Variants in TAFA4 observed in about 807,000 individuals in gnomAD.
TAFA4 encodes the protein TAFA chemokine like family member 4, also known as chemokine-like protein TAFA-4.
A neutral mutation model predicts 21.1 loss-of-function variants in TAFA4; 20 were observed. That is an observed-to-expected ratio of 0.95 (90% CI 0.67 to 1.38). The LOEUF (loss-of-function observed/expected upper bound fraction) is 1.38, where lower values mean the gene tolerates loss of function less well. TAFA4 is among the 40% of genes most tolerant of loss of function. The pLI is 0.00. For missense variants in TAFA4, 211 were observed against 180.9 expected (o/e 1.17, Z -0.95); for synonymous variants, 71 against 67.4 (o/e 1.05, Z -0.26).
chr3:68,803,088 G>A (rs1431920501), intron 3 of TAFA4, among the ~76,000 whole-genome samples: 1 of 152,064 alleles, frequency 6.6e-6, no homozygotes, highest in Non-Finnish European at 1.5e-5. Flanking sequence ...TACTGAAAAT[G>A]TCCTTCGTTG....
chr3:68,906,654 T>C (rs898111635), intron 1 of TAFA4, among the ~76,000 whole-genome samples: 2 of 152,128 alleles, frequency 1.3e-5, no homozygotes, highest in Admixed American at 6.5e-5. Flanking sequence ...GAGAGTGGAC[T>C]TTCCAAGGCG....
At chr3:68,825,271 C>A (rs1426182822) in intron 3 of TAFA4, among the ~76,000 whole-genome samples, 1 of 152,174 alleles carries the variant, frequency 6.6e-6, no homozygotes, top group Non-Finnish European at 1.5e-5. Flanking sequence ...ATAATGACCT[C>A]CAGCTCCATC....
intron 4 of TAFA4, among the ~76,000 whole-genome samples, chr3:68,741,587 G>T (rs2106732886): frequency 6.6e-6 from 1 of 152,152 alleles, no homozygotes; most frequent in Non-Finnish European, 1.5e-5. Context: ...GAGGTCAGGA[G>T]ATCGAGACCA....
At chr3:68,786,190 G>C (rs1703257747) in intron 3 of TAFA4, among the ~76,000 whole-genome samples, 1 of 152,182 alleles carries the variant, frequency 6.6e-6, no homozygotes, top group Non-Finnish European at 1.5e-5. Flanking sequence ...AAAAGTACTG[G>C]AGGACACCAG....
chr3:68,736,130 C>T (rs1702236693), intron 5 of TAFA4, among the ~76,000 whole-genome samples: 1 of 152,042 alleles, frequency 6.6e-6, no homozygotes. Context: ...TGCTCACAAA[C>T]AAGATACGGC....
chr3:68,802,792 T>C (rs1703604495), intron 3 of TAFA4, among the ~76,000 whole-genome samples: 1 of 152,232 alleles, frequency 6.6e-6, no homozygotes, highest in Non-Finnish European at 1.5e-5. Flanking sequence ...GAAATCACCT[T>C]AGCTTCTCCA....
chr3:68,908,188 A>G (rs2089922786), intron 1 of TAFA4, among the ~76,000 whole-genome samples: 1 of 152,224 alleles, frequency 6.6e-6, no homozygotes, highest in Non-Finnish European at 1.5e-5. Context: ...CTGATTAACC[A>G]TATCTACATC....
chr3:68,752,670 T>C (rs1011863703), intron 4 of TAFA4, among the ~76,000 whole-genome samples, 193 bp downstream of exon 4: 5 of 152,208 alleles, frequency 3.3e-5, no homozygotes, highest in Admixed American at 1.3e-4. Flanking sequence ...TTGGTACCCC[T>C]TGTGGGACAT....
chr3:68,915,591 C>G (rs1444970485), intron 1 of TAFA4, among the ~76,000 whole-genome samples: 1 of 152,092 alleles, frequency 6.6e-6, no homozygotes, highest in Non-Finnish European at 1.5e-5. Flanking sequence ...ATTTTCCCAC[C>G]TCTGAACTTT....
At chr3:68,821,783 A>G (rs1474793360) in intron 3 of TAFA4, among the ~76,000 whole-genome samples, 2 of 152,138 alleles carry the variant, frequency 1.3e-5, no homozygotes, top group East Asian at 1.9e-4. Context: ...TACTTCTTTC[A>G]GGTGTTTTAC....
chr3:68,881,067 T>C (rs1258239158), intron 2 of TAFA4, among the ~76,000 whole-genome samples: 1 of 152,242 alleles, frequency 6.6e-6, no homozygotes, highest in African/African-American at 2.4e-5. Flanking sequence ...GTTAGCACTA[T>C]GCATCAGTGA....
At chr3:68,747,765 A>G (rs1233628012) in intron 4 of TAFA4, among the ~76,000 whole-genome samples, 1 of 152,188 alleles carries the variant, frequency 6.6e-6, no homozygotes, top group African/African-American at 2.4e-5. Context: ...AGTGCTTTAT[A>G]TAAACTTTGT....
At chr3:68,897,913 C>T (rs901857349) in intron 1 of TAFA4, among the ~76,000 whole-genome samples, 25 of 152,144 alleles carry the variant, frequency 1.6e-4, no homozygotes, top group African/African-American at 6.0e-4. Context: ...CAGACTGTAC[C>T]TCACAGGAAG....
intron 3 of TAFA4, among the ~76,000 whole-genome samples, chr3:68,843,799 G>C (rs991183993): frequency 6.6e-6 from 1 of 152,228 alleles, no homozygotes; most frequent in Admixed American, 6.5e-5. Context: ...CATTGGTTCT[G>C]TTTAAGTGAT....
intron 3 of TAFA4, among the ~76,000 whole-genome samples, chr3:68,865,622 A>G (rs1466139214): frequency 6.6e-6 from 1 of 152,064 alleles, no homozygotes; most frequent in Non-Finnish European, 1.5e-5. Flanking sequence ...TTCTTTATAA[A>G]TTACCCTGTC....
At chr3:68,774,795 C>G (rs917966576) in intron 3 of TAFA4, among the ~76,000 whole-genome samples, 10 of 152,036 alleles carry the variant, frequency 6.6e-5, no homozygotes, top group African/African-American at 1.9e-4. Context: ...CCTTTCTAAT[C>G]AAAACATGAA....
In TAFA4 at chr3:68,848,271, A is replaced by G. The variant is rs77314737; in HGVS notation, c.130+32459T>C. 2.5e-3 allele frequency among the ~76,000 whole-genome samples: 382 copies of G among 152,336 alleles called. 2 individuals carry two copies. Among genetic ancestry groups the G allele is most frequent in the African/African-American group, 9.0e-3 (375 of 41,576 alleles). On this transcript the variant is annotated intron_variant, in intron 3 of 5. Transcript: ENST00000295569. ...GAACACACACGAAATTAACCTGTCC[A>G]GCATTTCCTGATGTCCTACCTCATA...
intron 1 of TAFA4, among the ~76,000 whole-genome samples, chr3:68,902,115 T>A (rs1249982034): frequency 6.6e-6 from 1 of 152,214 alleles, no homozygotes; most frequent in Non-Finnish European, 1.5e-5. Flanking sequence ...TCTAATGTAC[T>A]TTGAGGCAGT....
At chr3:68,884,860 T>C (rs1029032905) in intron 2 of TAFA4, among the ~76,000 whole-genome samples, 9 of 152,232 alleles carry the variant, frequency 5.9e-5, no homozygotes, top group African/African-American at 2.2e-4. Context: ...CACTTAACAA[T>C]AGCTCAACAA....
Sources: allele counts gnomAD v4.1 joint callset (sites outside exome capture counted in the v4.1 genomes callset), GRCh38; gene constraint gnomAD v4.1.1; transcripts MANE v1.5; gene names NCBI Gene and HGNC (gene_info 2026-07-23, HGNC 2026-07-21).